RTTN: variants seen among roughly 807,000 people sequenced by gnomAD.
The protein encoded by RTTN is rotatin.
Under a neutral mutation model 269.2 loss-of-function variants are expected in RTTN, and 182 were observed. The ratio of observed to expected loss-of-function variants is 0.68; its 90% CI spans 0.60 to 0.76. The LOEUF is 0.76. RTTN is among the 30% of genes least tolerant of loss of function. RTTN has a pLI of 0.00. For synonymous variants in RTTN, 1,006 were observed against 963.5 expected (o/e 1.04, Z -0.82); for missense variants, 2,545 against 2,608.6 (o/e 0.98, Z 0.53).
intron 28 of RTTN, among the ~76,000 whole-genome samples, chr18:70,094,196 A>T (rs1355766735): frequency 6.6e-6 from 1 of 151,726 alleles, no homozygotes; most frequent in Non-Finnish European, 1.5e-5. Flanking sequence ...TTTCTTCTTT[A>T]TTAGTCAGGC....
chr18:70,130,821 T>C (rs748011776), intron 23 of RTTN: 2 of 151,994 alleles, frequency 1.3e-5, no homozygotes, highest in African/African-American at 4.8e-5. Context: ...AATCAATAAA[T>C]GTTAGAGGTA....
chr18:70,169,038 T>G lies in RTTN; in HGVS notation c.1506A>C (p.Ser502=). ...CCAAAGAAAGGAGAAATAATGCTGTTGACATAGGCTCTGATAAAAACTCGC... is the reference window on the plus strand; with the variant it reads ...CCAAAGAAAGGAGAAATAATGCTGTGGACATAGGCTCTGATAAAAACTCGC... ...KASEFLSEPM[S]TALFLLSLDM... Residue 502 remains serine (S), a synonymous_variant, in exon 12 of 49, where the codon TCA becomes TCC. Transcript: ENST00000640769. The G allele has an allele frequency of 6.2e-7, 1 of 1,609,572 alleles. No individual in the cohort carries two copies. Among genetic ancestry groups the G allele is most frequent in the Non-Finnish European group, 8.5e-7 (1 of 1,179,022 alleles).
chr18:70,133,424 G>A (rs1420990959), intron 23 of RTTN, among the ~76,000 whole-genome samples: 2 of 152,168 alleles, frequency 1.3e-5, no homozygotes, highest in East Asian at 3.9e-4. Flanking sequence ...ACAATGACAC[G>A]TGTTCAAGAA....
chr18:70,196,212 G>A (rs1327422005), intron 7 of RTTN, among the ~76,000 whole-genome samples: 1 of 151,618 alleles, frequency 6.6e-6, no homozygotes, highest in Admixed American at 6.6e-5. Context: ...AAATATCCGA[G>A]TCACTACATC....
chr18:70,193,779 T>A (rs2061738055), intron 7 of RTTN, among the ~76,000 whole-genome samples: 1 of 152,146 alleles, frequency 6.6e-6, no homozygotes, highest in Admixed American at 6.5e-5. Context: ...ATACTGTACA[T>A]AAAAATTAAT....
At chr18:70,019,947 C>G (rs1348033756) in intron 45 of RTTN, 2 of 152,170 alleles carry the variant, frequency 1.3e-5, no homozygotes, top group Non-Finnish European at 1.5e-5. Context: ...TGGAAACACT[C>G]AAATTACAAT....
intron 14 of RTTN, among the ~76,000 whole-genome samples, chr18:70,158,449 C>T (rs1275567570): frequency 2.6e-5 from 4 of 152,050 alleles, no homozygotes; most frequent in Non-Finnish European, 4.4e-5. Context: ...CAATGGAGTG[C>T]TAAAAAAGGA....
At chr18:70,057,718 C>G in intron 37 of RTTN, 24 bp downstream of exon 37, 1 of 1,598,390 alleles carries the variant, frequency 6.3e-7, no homozygotes, top group South Asian at 1.1e-5. Flanking sequence ...TAAACAAACC[C>G]ACAAACAGAC....
At chr18:70,045,091 C>T (rs2057456220) in intron 40 of RTTN, among the ~76,000 whole-genome samples, 2 of 152,150 alleles carry the variant, frequency 1.3e-5, no homozygotes, top group South Asian at 2.1e-4. Flanking sequence ...TCTGAAACCA[C>T]CTCAAAATGG....
chr18:70,028,622 AAGTC>A, intron 43 of RTTN, 98 bp downstream of exon 43: 2 of 634,694 alleles, frequency 3.2e-6, no homozygotes, highest in Non-Finnish European at 5.3e-6. Context: ...AAAAATTTAA[AAGTC>A]AGAGCTTTCC....
chr18:70,025,512 C>T (rs983509630), intron 43 of RTTN, among the ~76,000 whole-genome samples: 10 of 152,180 alleles, frequency 6.6e-5, no homozygotes, highest in Admixed American at 6.5e-4. Context: ...TGAGCATGCA[C>T]ATAAATACAC....
In RTTN at chr18:70,060,001, A is replaced by G. The variant is rs1434291139; in HGVS notation, c.4789T>C (p.Ser1597Pro). 1 of 1,613,720 alleles carries G rather than the reference A, an allele frequency of 6.2e-7. No individual in the cohort carries two copies. Among genetic ancestry groups the G allele is most frequent in the African/African-American group, 1.3e-5 (1 of 74,922 alleles). The change falls in exon 36 of 49, where the codon TCT becomes CCT. Residue 1597 changes from serine to proline, a missense_variant. Transcript: ENST00000640769. ...AGTTTGGGCAGGGGAGCAGAAAGAG[A>G]TGAATCATGAGGTGGCCGTGGTGAT... ...STSPRPPHDS[S>P]LSAPLPKLCV...
rs1259830750 is a variant in RTTN, at chr18:70,174,277, A to C, written c.1476+2398T>G. Among the ~76,000 whole-genome samples the C allele has an allele frequency of 2.0e-5, 3 of 152,218 alleles. No individual in the cohort carries two copies. In the East Asian group the frequency reaches 5.8e-4, roughly 29 times the overall value. On this transcript the variant is annotated intron_variant, in intron 11 of 48. Transcript: ENST00000640769. ...TTCAGAAACTGTAATTGGCAAACAC[A>C]CAGAAGAGACACCAGCCTTAGGCAC...
chr18:70,059,177 G>A (rs1463739874), intron 36 of RTTN, among the ~76,000 whole-genome samples: 1 of 152,066 alleles, frequency 6.6e-6, no homozygotes, highest in African/African-American at 2.4e-5. Flanking sequence ...CCATTAAATA[G>A]GTGTTAATGA....
chr18:70,047,087 A>G (rs2043501), intron 40 of RTTN, among the ~76,000 whole-genome samples: 122,670 of 152,190 alleles, frequency 0.81, 53,868 homozygotes, highest in East Asian at 1. Flanking sequence ...GGACTATAAC[A>G]AATCAGCACA....
chr18:70,113,420 A>G (rs2059525591), intron 27 of RTTN, among the ~76,000 whole-genome samples: 1 of 152,216 alleles, frequency 6.6e-6, no homozygotes, highest in Admixed American at 6.5e-5. Flanking sequence ...TGAAACACTC[A>G]TACATTGCTG....
intron 34 of RTTN, among the ~76,000 whole-genome samples, chr18:70,067,372 G>A (rs1175069988): frequency 6.6e-6 from 1 of 152,048 alleles, no homozygotes; most frequent in Non-Finnish European, 1.5e-5. Flanking sequence ...TGTTAGCCAG[G>A]ATGGTCTCGA....
chr18:70,128,280 T>A (rs1472309810), intron 24 of RTTN, 78 bp downstream of exon 24: 13 of 1,240,694 alleles, frequency 1.0e-5, no homozygotes, highest in Non-Finnish European at 1.5e-5. Context: ...CTACTGGACC[T>A]AAGGAAAAAG....
chr18:70,058,938 A>C (rs1208057847), intron 36 of RTTN, among the ~76,000 whole-genome samples: 1 of 152,258 alleles, frequency 6.6e-6, no homozygotes, highest in Non-Finnish European at 1.5e-5. Context: ...AGTTTTCTTA[A>C]TATCCCAGAA....
Sources: allele counts gnomAD v4.1 joint callset (sites outside exome capture counted in the v4.1 genomes callset), GRCh38; gene constraint gnomAD v4.1.1; transcripts MANE v1.5; gene names NCBI Gene and HGNC (gene_info 2026-07-23, HGNC 2026-07-21).